RABGAP1L: variants seen among roughly 807,000 people sequenced by gnomAD.
The protein encoded by RABGAP1L is RAB GTPase activating protein 1 like, also known as rab GTPase-activating protein 1-like.
In RABGAP1L, 63 loss-of-function variants were observed where a neutral mutation model predicts 137.7. The ratio of observed to expected loss-of-function variants is 0.46; its 90% confidence interval spans 0.37 to 0.56. The LOEUF is 0.56. Ranked by LOEUF, RABGAP1L falls within the 20% of genes least tolerant of loss-of-function variation. The pLI is 0.00. For synonymous variants in RABGAP1L, 431 were observed against 433.7 expected, an observed-to-expected ratio of 0.99 and a Z score of 0.08; for missense variants, 1,095 against 1,244.0, an observed-to-expected ratio of 0.88 and a Z score of 1.80.
chr1:174,978,412 T>A (rs957687018), intron 22 of RABGAP1L, among the ~76,000 whole-genome samples: 2 of 152,330 alleles, frequency 1.3e-5, no homozygotes, highest in Non-Finnish European at 2.9e-5. Flanking sequence ...TAAGGAGGCC[T>A]ACAATGATTT....
chr1:174,270,344 G>A (rs979630568), intron 7 of RABGAP1L, among the ~76,000 whole-genome samples: 3 of 152,068 alleles, frequency 2.0e-5, no homozygotes, highest in African/African-American at 7.2e-5. Flanking sequence ...GAGAAAATGT[G>A]AAATTTCATC....
chr1:174,902,086 C>A (rs1468724754), intron 19 of RABGAP1L, among the ~76,000 whole-genome samples: 2 of 152,090 alleles, frequency 1.3e-5, no homozygotes, highest in African/African-American at 2.4e-5. Flanking sequence ...GGGATACTGA[C>A]CTTTTGCCAG....
At chr1:174,924,442 G>A (rs920924160) in intron 19 of RABGAP1L, among the ~76,000 whole-genome samples, 1 of 146,516 alleles carries the variant, frequency 6.8e-6, no homozygotes, top group South Asian at 2.2e-4. Flanking sequence ...ATCTAGAAAA[G>A]GGGAAAGAGC....
intron 11 of RABGAP1L, among the ~76,000 whole-genome samples, chr1:174,349,789 A>G (rs1326323859): frequency 4.0e-5 from 4 of 100,182 alleles, no homozygotes; most frequent in Non-Finnish European, 6.5e-5. Flanking sequence ...GGGGCTCCTC[A>G]CTTCCCAGTA....
chr1:174,558,280 G>T (rs1392839665), intron 13 of RABGAP1L, among the ~76,000 whole-genome samples: 1 of 152,152 alleles, frequency 6.6e-6, no homozygotes, highest in African/African-American at 2.4e-5. Flanking sequence ...AGCCAACTTG[G>T]TGCTTTCTGT....
chr1:174,910,228 A>G (rs1256958973), intron 19 of RABGAP1L, among the ~76,000 whole-genome samples: 1 of 152,210 alleles, frequency 6.6e-6, no homozygotes, highest in Non-Finnish European at 1.5e-5. Context: ...AGGGCTCAGT[A>G]TATGCAAATA....
chr1:174,275,831 A>G lies in RABGAP1L; in HGVS notation c.1054-2A>G. 6.2e-7 allele frequency: 1 copy of G among 1,605,458 alleles called. No homozygotes were observed. Among genetic ancestry groups the G allele is most frequent in the Non-Finnish European group, 8.5e-7 (1 of 1,174,904 alleles). On this transcript the variant is annotated splice_acceptor_variant, in intron 8 of 25. Transcript: ENST00000681986. LOFTEE classifies it high-confidence loss of function. ...CAGTAATTACTGTTTGAATTTTTATAGGAATCCATGGGAAAGAGCTATGAT... is the reference window on the plus strand; with the variant it reads ...CAGTAATTACTGTTTGAATTTTTATGGGAATCCATGGGAAAGAGCTATGAT...
intron 19 of RABGAP1L, among the ~76,000 whole-genome samples, chr1:174,883,299 A>G (rs539379765): frequency 1.3e-5 from 2 of 152,350 alleles, no homozygotes; most frequent in African/African-American, 4.8e-5. Context: ...TAAAGTATTT[A>G]GCACAGTGAA....
At chr1:174,292,019 TTTA>T (rs60906954) in intron 10 of RABGAP1L, among the ~76,000 whole-genome samples, 25,354 of 138,842 alleles carry the variant, frequency 0.18, 2,638 homozygotes, top group Admixed American at 0.22. Context: ...GATTAGATCA[TTTA>T]TTATTATTAT....
chr1:174,303,589 G>A lies in RABGAP1L; in HGVS notation c.1324-1397G>A, dbSNP rs1014723509. ...TGTAATGAATGCTAATATGAACCAG[G>A]CAATTTTCTTTACAAATACAGATTG... On this transcript the variant is annotated intron_variant, in intron 10 of 25. Coordinates refer to ENST00000681986, the MANE Select transcript of RABGAP1L (RefSeq NM_001366446.1). Among the ~76,000 whole-genome samples the A allele has an allele frequency of 2.0e-5, 3 of 152,152 alleles. No homozygotes were observed. The South Asian group carries it at 6.2e-4, about 32-fold the overall frequency.
chr1:174,713,401 A>C (rs562801975), intron 17 of RABGAP1L, among the ~76,000 whole-genome samples: 1 of 152,308 alleles, frequency 6.6e-6, no homozygotes, highest in East Asian at 1.9e-4. Context: ...GTTGAAGTGT[A>C]ATCTCCATTG....
chr1:174,711,170 C>T (rs563384278), intron 17 of RABGAP1L, among the ~76,000 whole-genome samples: 8 of 152,276 alleles, frequency 5.3e-5, no homozygotes, highest in Admixed American at 1.3e-4. Context: ...CCGGAACTCA[C>T]GCTGGCCCGC....
intron 13 of RABGAP1L, among the ~76,000 whole-genome samples, chr1:174,433,502 C>CA (rs754939502): frequency 2.0e-5 from 3 of 152,128 alleles, no homozygotes; most frequent in Non-Finnish European, 4.4e-5. Flanking sequence ...TGGAACCTCT[C>CA]AAAGTTTTTG....
chr1:174,800,780 G>C (rs1010634323), intron 18 of RABGAP1L, among the ~76,000 whole-genome samples: 1 of 152,144 alleles, frequency 6.6e-6, no homozygotes, highest in African/African-American at 2.4e-5. Context: ...TTTCTGCCTG[G>C]CTAGGCTCAG....
chr1:174,656,976 C>T (rs1268037290), intron 14 of RABGAP1L, among the ~76,000 whole-genome samples: 1 of 151,910 alleles, frequency 6.6e-6, no homozygotes, highest in African/African-American at 2.4e-5. Flanking sequence ...AGAGCCTTCT[C>T]AGGACTTTCC....
intron 13 of RABGAP1L, among the ~76,000 whole-genome samples, chr1:174,569,495 G>A (rs968101427): frequency 4.6e-5 from 7 of 152,160 alleles, no homozygotes; most frequent in African/African-American, 1.7e-4. Context: ...CAACCTTTGG[G>A]CATTTACATT....
At chr1:174,175,287 C>A (rs1665740156) in intron 1 of RABGAP1L, among the ~76,000 whole-genome samples, 1 of 152,062 alleles carries the variant, frequency 6.6e-6, no homozygotes, top group Non-Finnish European at 1.5e-5. Flanking sequence ...AGAGCATGAA[C>A]CATGTCGTCT....
chr1:174,347,290 C>T (rs982398133), intron 11 of RABGAP1L, among the ~76,000 whole-genome samples: 13 of 152,120 alleles, frequency 8.5e-5, no homozygotes, highest in Non-Finnish European at 4.4e-5. Flanking sequence ...TGTGGATGAT[C>T]TGTTCATTGC....
intron 14 of RABGAP1L, among the ~76,000 whole-genome samples, chr1:174,674,141 GGTTA>G (rs1557972552): frequency 6.7e-5 from 10 of 149,984 alleles, no homozygotes; most frequent in African/African-American, 7.4e-5. Flanking sequence ...ACAATGTACA[GGTTA>G]GTTACATATG....
Sources: allele counts gnomAD v4.1 joint callset (sites outside exome capture counted in the v4.1 genomes callset), GRCh38; gene constraint gnomAD v4.1.1; transcripts MANE v1.5; gene names NCBI Gene and HGNC (gene_info 2026-07-23, HGNC 2026-07-21).